CADM1: variants seen among roughly 807,000 people sequenced by gnomAD.
The protein encoded by CADM1 is TSLC-1.
Under a neutral mutation model 53.1 loss-of-function variants are expected in CADM1, and 15 were observed. The ratio of observed to expected loss-of-function variants is 0.28; its 90% CI spans 0.19 to 0.44. The LOEUF (loss-of-function observed/expected upper bound fraction) is 0.44. Ranked by LOEUF, CADM1 falls within the 20% of genes least tolerant of loss-of-function variation. CADM1 has a pLI of 1.00. For synonymous variants in CADM1, 281 were observed against 243.0 expected (o/e 1.16, Z -1.45); for missense variants, 434 against 611.3 (o/e 0.71, Z 3.06).
rs1555043882 is a variant in CADM1, at chr11:115,223,973, A to AGAGAGAGAGAG, written c.721+5139_721+5140insCTCTCTCTCTC. On this transcript the variant is annotated intron_variant, in intron 5 of 11. Transcript: ENST00000331581. Reference sequence around the variant, plus strand: ...GTATTCCGTTTAAAAAAAAAAAAAAAAGAGAGAGAGAGAGAGAGAGAGACT... The same window carrying AGAGAGAGAGAG: ...GTATTCCGTTTAAAAAAAAAAAAAAAGAGAGAGAGAGAGAGAGAGAGAGAGAGAGAGAGACT... Among the ~76,000 whole-genome samples, 334 of 92,468 alleles carry AGAGAGAGAGAG rather than the reference A, an allele frequency of 3.6e-3. 6 individuals carry two copies. The highest frequency in any genetic ancestry group is 0.019 in the East Asian group (56 of 2,910). The allele number at this position is 92,468 out of a possible 152,430, so 60.7% of individuals were successfully genotyped here.
At chr11:115,384,467 G>A (rs753219202) in intron 1 of CADM1, among the ~76,000 whole-genome samples, 2 of 152,200 alleles carry the variant, frequency 1.3e-5, no homozygotes, top group Non-Finnish European at 2.9e-5. Flanking sequence ...TGATTTGGCA[G>A]TCGATTGGCT....
rs139012671 is a variant in CADM1 at position 115,308,211 on chromosome 11, T to TATATATATACACAC, written c.125-67792_125-67791insGTGTGTATATATAT. On this transcript the variant is annotated intron_variant, in intron 1 of 11. Coordinates refer to ENST00000331581, the MANE Select transcript of CADM1 (RefSeq NM_001301043.2). Reference sequence around the variant, plus strand: ...ATAGGTGTGTATATATATATATATATACACACCTATGAGAAGGTTTTTGTC... The same window carrying TATATATATACACAC: ...ATAGGTGTGTATATATATATATATATATATATATACACACACACACCTATGAGAAGGTTTTTGTC... Among the ~76,000 whole-genome samples, 883 of 139,408 alleles carry TATATATATACACAC rather than the reference T, an allele frequency of 6.3e-3. 4 individuals carry two copies. Among genetic ancestry groups the TATATATATACACAC allele is most frequent in the Non-Finnish European group, 8.7e-3 (572 of 65,432 alleles). The allele number at this position is 139,408 out of a possible 152,430, so 91.5% of individuals were successfully genotyped here.
chr11:115,295,550 A>ATGAT (rs371584699), intron 1 of CADM1, among the ~76,000 whole-genome samples: 1 of 53,004 alleles, frequency 1.9e-5, no homozygotes, highest in African/African-American at 1.3e-4. Context: ...ATATATATAT[A>ATGAT]ATATATATGT....
At chr11:115,216,996 T>C (rs1941214706) in intron 6 of CADM1, among the ~76,000 whole-genome samples, 1 of 152,182 alleles carries the variant, frequency 6.6e-6, no homozygotes, top group South Asian at 2.1e-4. Flanking sequence ...GGGAGCTCAA[T>C]GCTGTTTTTT....
At chr11:115,425,098 G>A (rs932466803) in intron 1 of CADM1, among the ~76,000 whole-genome samples, 2 of 152,124 alleles carry the variant, frequency 1.3e-5, no homozygotes, top group East Asian at 1.9e-4. Flanking sequence ...AAACAGGGCC[G>A]TACTAAGCTA....
chr11:115,267,496 A>G (rs1943175125), intron 1 of CADM1, among the ~76,000 whole-genome samples: 1 of 152,186 alleles, frequency 6.6e-6, no homozygotes, highest in Non-Finnish European at 1.5e-5. Context: ...ATGAAATGCC[A>G]CTTAGGAAGA....
At chr11:115,256,232 C>A (rs1301892763) in intron 1 of CADM1, among the ~76,000 whole-genome samples, 1 of 152,214 alleles carries the variant, frequency 6.6e-6, no homozygotes, top group African/African-American at 2.4e-5. Flanking sequence ...TACAACAGGC[C>A]TTTTCACTCT....
chr11:115,374,152 CA>C (rs1055098041), intron 1 of CADM1, among the ~76,000 whole-genome samples: 1 of 151,932 alleles, frequency 6.6e-6, no homozygotes, highest in Non-Finnish European at 1.5e-5. Flanking sequence ...CAAAACAAAA[CA>C]AAAAACCTTC....
chr11:115,291,141 A>G (rs1164134071), intron 1 of CADM1, among the ~76,000 whole-genome samples: 1 of 152,180 alleles, frequency 6.6e-6, no homozygotes, highest in African/African-American at 2.4e-5. Context: ...AGGCGAGAGC[A>G]ACGAGGAGTG....
At chr11:115,302,111 C>T (rs188505624) in intron 1 of CADM1, among the ~76,000 whole-genome samples, 4 of 151,784 alleles carry the variant, frequency 2.6e-5, no homozygotes, top group Non-Finnish European at 5.9e-5. Flanking sequence ...TTACTACACA[C>T]GGACACATAG....
intron 1 of CADM1, among the ~76,000 whole-genome samples, chr11:115,450,436 C>T (rs1320251783): frequency 6.6e-6 from 1 of 152,172 alleles, no homozygotes; most frequent in African/African-American, 2.4e-5. Context: ...TAGGAGGAAA[C>T]CTGCTAAATG....
chr11:115,254,793 C>A (rs959423631), intron 1 of CADM1, among the ~76,000 whole-genome samples: 2 of 152,004 alleles, frequency 1.3e-5, no homozygotes, highest in African/African-American at 4.8e-5. Context: ...CAAGAAGGAA[C>A]GTTTTCTGGA....
chr11:115,180,537 CCCT>C (rs2134593684), intron 10 of CADM1, among the ~76,000 whole-genome samples: 1 of 152,288 alleles, frequency 6.6e-6, no homozygotes, highest in East Asian at 1.9e-4. Context: ...AGAGGAATCT[CCCT>C]CCTCAGCCAA....
intron 1 of CADM1, among the ~76,000 whole-genome samples, chr11:115,501,802 A>C (rs938890189): frequency 3.9e-5 from 6 of 152,146 alleles, no homozygotes; most frequent in Non-Finnish European, 8.8e-5. Context: ...AGAAAGCTTA[A>C]ACAGAACTGA....
chr11:115,406,820 G>C (rs1591787565), intron 1 of CADM1, among the ~76,000 whole-genome samples: 1 of 151,378 alleles, frequency 6.6e-6, no homozygotes, highest in African/African-American at 2.4e-5. Flanking sequence ...ATGGTGGTGG[G>C]TGCCTGTAAT....
At chr11:115,493,836 T>C (rs937037573) in intron 1 of CADM1, among the ~76,000 whole-genome samples, 6 of 152,076 alleles carry the variant, frequency 3.9e-5, no homozygotes, top group African/African-American at 1.4e-4. Context: ...CCATAAAAGA[T>C]ACCCCTTAAA....
At chr11:115,459,354 T>G (rs1245726098) in intron 1 of CADM1, among the ~76,000 whole-genome samples, 1 of 152,152 alleles carries the variant, frequency 6.6e-6, no homozygotes, top group East Asian at 1.9e-4. Flanking sequence ...ATTCCCTTGA[T>G]AGAGTTTTAT....
chr11:115,312,996 T>C (rs1338963517), intron 1 of CADM1, among the ~76,000 whole-genome samples: 1 of 152,232 alleles, frequency 6.6e-6, no homozygotes, highest in South Asian at 2.1e-4. Context: ...CTGTAAATGA[T>C]TTTTTAGATC....
intron 1 of CADM1, among the ~76,000 whole-genome samples, chr11:115,324,336 A>G (rs1944903707): frequency 6.6e-6 from 1 of 152,202 alleles, no homozygotes; most frequent in Non-Finnish European, 1.5e-5. Flanking sequence ...AAATAAGGCA[A>G]AAGAAAACAA....
Sources: allele counts gnomAD v4.1 joint callset (sites outside exome capture counted in the v4.1 genomes callset), GRCh38; gene constraint gnomAD v4.1.1; transcripts MANE v1.5; gene names NCBI Gene and HGNC (gene_info 2026-07-23, HGNC 2026-07-21).